The following TRIM14 variants were observed in gnomAD, a reference collection of about 807,000 sequenced individuals.
TRIM14 encodes tripartite motif-containing protein 14.
In TRIM14, 28 loss-of-function variants were observed where a neutral mutation model predicts 44.5. The observed-to-expected ratio is 0.63, with a 90% CI of 0.47 to 0.86. The LOEUF (loss-of-function observed/expected upper bound fraction) is 0.86. Among genes scored for constraint, TRIM14 ranks in the 40% least tolerant of loss-of-function variants. The pLI, the probability that TRIM14 is intolerant of heterozygous loss-of-function variation, is 0.00. For synonymous variants in TRIM14, 299 were observed against 269.2 expected (o/e 1.11, Z -1.08); for missense variants, 607 against 611.1 (o/e 0.99, Z 0.07).
At chr9:98,040,935 G>A in the TRIM14 span, among the ~76,000 whole-genome samples, 12 of 151,658 alleles carry the variant, frequency 7.9e-5, no homozygotes, top group African/African-American at 1.9e-4. Context: ...GATTACAGGC[G>A]TGAGCCACCG....
intron 6 of TRIM14, among the ~76,000 whole-genome samples, chr9:98,070,435 TTTTA>T (rs569984727): frequency 3.9e-5 from 6 of 152,054 alleles, no homozygotes; most frequent in Admixed American, 3.3e-4. Context: ...TAAATTTTTA[TTTTA>T]TTTATTTATT....
intron 6 of TRIM14, among the ~76,000 whole-genome samples, chr9:98,073,308 G>A (rs1048713368): frequency 1.5e-4 from 17 of 109,708 alleles, no homozygotes; most frequent in African/African-American, 3.9e-4. Context: ...TTTTTGAGAC[G>A]GAGTCTTGCT....
At chr9:98,069,604 G>C (rs1829252561) in exon 7 of TRIM14, 1 of 152,264 alleles carries the variant, frequency 6.6e-6, no homozygotes, top group African/African-American at 2.4e-5. Flanking sequence ...CAGCAGCCTG[G>C]ATGCATCTCA....
chr9:98,089,851 G>A (rs1439728750), intron 5 of TRIM14, among the ~76,000 whole-genome samples: 5 of 152,122 alleles, frequency 3.3e-5, no homozygotes, highest in Non-Finnish European at 7.3e-5. Context: ...AAAGTGAGGC[G>A]GTACCGTTAA....
chr9:98,040,444 C>G, the TRIM14 span, among the ~76,000 whole-genome samples: 6 of 151,876 alleles, frequency 4.0e-5, no homozygotes, highest in African/African-American at 1.2e-4. Context: ...CACACACCTG[C>G]TCTGTCTCCT....
At chr9:98,058,592 G>A in the TRIM14 span, among the ~76,000 whole-genome samples, 3 of 152,184 alleles carry the variant, frequency 2.0e-5, no homozygotes, top group East Asian at 1.9e-4. Flanking sequence ...TTGGAATGCC[G>A]AAGTTGTAGA....
intron 1 of TRIM14, 183 bp from the exon 2 acceptor site, chr9:98,110,167 T>A: frequency 1.7e-6 from 1 of 587,118 alleles, no homozygotes; most frequent in Non-Finnish European, 3.0e-6. Flanking sequence ...ACATCTCTGA[T>A]CCTCGGAGGT....
At chr9:98,099,167 G>A (rs1400525719) in intron 3 of TRIM14, among the ~76,000 whole-genome samples, 1 of 151,938 alleles carries the variant, frequency 6.6e-6, no homozygotes, top group South Asian at 2.1e-4. Flanking sequence ...AGACTATAAA[G>A]GCAGGCTGAT....
chr9:98,109,761 G>T, intron 2 of TRIM14, 128 bp downstream of exon 2: 1 of 728,622 alleles, frequency 1.4e-6, no homozygotes, highest in Non-Finnish European at 2.3e-6. Flanking sequence ...AATTATAGAA[G>T]CTCCAGGCCC....
chr9:98,105,581 AAAACAAAC>A lies in TRIM14; in HGVS notation c.303+4300_303+4307del, dbSNP rs796738149. Among the ~76,000 whole-genome samples, 12 of 152,336 alleles carry A rather than the reference AAAACAAAC, an allele frequency of 7.9e-5. No homozygotes were observed. In the East Asian group the frequency reaches 2.1e-3, roughly 27 times the overall value. Reference sequence around the variant, plus strand: ...GCAACAGATCGAGACTCTGTCTCAAAAAACAAACAAACAAACAAAAAAACAAACAAACA... The same window carrying A: ...GCAACAGATCGAGACTCTGTCTCAAAAAACAAACAAAAAAACAAACAAACA... On this transcript the variant is annotated intron_variant, in intron 2 of 5. Coordinates refer to ENST00000341469, the MANE Select transcript of TRIM14 (RefSeq NM_014788.4).
chr9:98,053,917 G>A, the TRIM14 span, among the ~76,000 whole-genome samples: 1 of 152,160 alleles, frequency 6.6e-6, no homozygotes, highest in African/African-American at 2.4e-5. Flanking sequence ...ATGGAGAACC[G>A]AATTAACATT....
intron 6 of TRIM14, among the ~76,000 whole-genome samples, chr9:98,073,172 C>T (rs938497954): frequency 7.3e-5 from 11 of 151,642 alleles, no homozygotes; most frequent in Non-Finnish European, 1.2e-4. Context: ...GTCCTAGGCA[C>T]GGTGCCCTCT....
the TRIM14 span, among the ~76,000 whole-genome samples, chr9:98,046,617 T>C: frequency 2.0e-5 from 3 of 152,046 alleles, no homozygotes; most frequent in Non-Finnish European, 4.4e-5. Context: ...AATTTTGCAT[T>C]CTTATTAGAG....
chr9:98,046,051 G>C, the TRIM14 span, among the ~76,000 whole-genome samples: 1 of 152,242 alleles, frequency 6.6e-6, no homozygotes, highest in East Asian at 1.9e-4. Context: ...GTAGTAAATG[G>C]TAATATTGCA....
chr9:98,111,741 A>G (rs1826860438), intron 1 of TRIM14, among the ~76,000 whole-genome samples: 1 of 152,084 alleles, frequency 6.6e-6, no homozygotes, highest in Non-Finnish European at 1.5e-5. Flanking sequence ...GGGGTTCGAG[A>G]CAGCCTGACC....
At chr9:98,083,527 TG>T (rs1392624325), downstream of TRIM14, among the ~76,000 whole-genome samples, 1 of 152,252 alleles carries the variant, frequency 6.6e-6, no homozygotes, top group Non-Finnish European at 1.5e-5. Context: ...GAGAAAGGAC[TG>T]GTCAAAGGAT....
chr9:98,080,754 C>T, downstream of TRIM14: 1 of 1,515,090 alleles, frequency 6.6e-7, no homozygotes, highest in Non-Finnish European at 8.9e-7. Flanking sequence ...ATACGCTTCA[C>T]CTGGAGAATA....
intron 1 of TRIM14, among the ~76,000 whole-genome samples, chr9:98,118,756 T>A (rs1034373750): frequency 1.4e-4 from 21 of 152,190 alleles, no homozygotes; most frequent in African/African-American, 4.1e-4. Flanking sequence ...TAAACCCACC[T>A]TTTCTGAAGC....
At chr9:98,049,392 C>A in the TRIM14 span, among the ~76,000 whole-genome samples, 4 of 149,616 alleles carry the variant, frequency 2.7e-5, no homozygotes, top group African/African-American at 9.9e-5. Flanking sequence ...ATGCAGAGCA[C>A]CCCCAAGGGC....
Sources: gnomAD v4.1 joint callset for allele counts (sites outside exome capture counted in the v4.1 genomes callset) on GRCh38, gnomAD v4.1.1 for gene constraint, MANE v1.5 for transcripts, NCBI Gene and HGNC (gene_info 2026-07-23, HGNC 2026-07-21) for gene names.